TLN2: variants seen among roughly 807,000 people sequenced by gnomAD.
TLN2 encodes the protein talin-2.
In TLN2, 118 loss-of-function variants were observed where a neutral mutation model predicts 294.7. The ratio of observed to expected loss-of-function variants is 0.40; its 90% CI spans 0.34 to 0.47. TLN2 has a LOEUF of 0.47. Ranked by LOEUF, TLN2 falls within the 20% of genes least tolerant of loss-of-function variation. The pLI is 0.84. For missense variants in TLN2, 3,083 were observed against 3,282.2 expected, an observed-to-expected ratio of 0.94 and a Z score of 1.48; for synonymous variants, 1,431 against 1,304.5, an observed-to-expected ratio of 1.10 and a Z score of -2.09.
intron 3 of TLN2, among the ~76,000 whole-genome samples, chr15:62,645,971 G>A (rs1319163306): frequency 2.0e-5 from 3 of 152,264 alleles, no homozygotes; most frequent in Non-Finnish European, 4.4e-5. Flanking sequence ...ACTGGCTTGG[G>A]TTAAGTGAGT....
intron 1 of TLN2, among the ~76,000 whole-genome samples, chr15:62,454,393 G>A (rs2036337741): frequency 6.6e-6 from 1 of 152,142 alleles, no homozygotes; most frequent in Non-Finnish European, 1.5e-5. Flanking sequence ...CAGTGCTTTT[G>A]CTTCCAGACC....
At chr15:62,688,315 G>T (rs1378835522) in intron 12 of TLN2, among the ~76,000 whole-genome samples, 2 of 151,960 alleles carry the variant, frequency 1.3e-5, no homozygotes, top group East Asian at 3.8e-4. Flanking sequence ...AGGTTTTTCT[G>T]CTGTCTTTCT....
chr15:62,495,108 A>G lies in TLN2; in HGVS notation c.-237-94579A>G, dbSNP rs186046097. ...GTTCCTTCACTGCACTTGCAATTGC[A>G]CTGTGCAATGCCTTCTCAGTCTCCT... is the stretch of plus-strand genomic sequence containing the variant. On this transcript the variant is annotated intron_variant, in intron 1 of 58. Transcript: ENST00000636159. Among the ~76,000 whole-genome samples, 380 of 152,306 alleles carry G rather than the reference A, an allele frequency of 2.5e-3. 2 individuals are homozygous for G. Among genetic ancestry groups the G allele is most frequent in the African/African-American group, 8.8e-3 (367 of 41,568 alleles).
intron 1 of TLN2, among the ~76,000 whole-genome samples, chr15:62,406,924 A>G (rs1321982602): frequency 6.6e-6 from 1 of 152,222 alleles, no homozygotes; most frequent in African/African-American, 2.4e-5. Context: ...ATAAGGTCCC[A>G]TTCTGAGGTT....
rs56258541 is a variant in TLN2, at chr15:62,673,310, C to CTTTTTTTTTTTTTTTT, written c.789-514_789-499dup. Among the ~76,000 whole-genome samples the CTTTTTTTTTTTTTTTT allele has an allele frequency of 4.4e-4, 19 of 42,890 alleles. 4 individuals are homozygous for CTTTTTTTTTTTTTTTT. Among genetic ancestry groups the CTTTTTTTTTTTTTTTT allele is most frequent in the African/African-American group, 6.0e-4 (8 of 13,434 alleles). The allele number at this position is 42,890 out of a possible 152,430, so 28.1% of individuals were successfully genotyped here. ...GTTTGCTTTAGATTTTTAGATGTTGCTTTTTTTTTTTTTTTTTTGCAATTT... is the reference window on the plus strand; with the variant it reads ...GTTTGCTTTAGATTTTTAGATGTTGCTTTTTTTTTTTTTTTTTTTTTTTTTTTTTTTTTTGCAATTT... On this transcript the variant is annotated intron_variant, in intron 9 of 58. Coordinates refer to ENST00000636159, the MANE Select transcript of TLN2 (RefSeq NM_015059.3).
intron 1 of TLN2, among the ~76,000 whole-genome samples, chr15:62,495,101 C>G (rs888726809): frequency 3.9e-5 from 6 of 152,198 alleles, no homozygotes; most frequent in Non-Finnish European, 7.4e-5. Flanking sequence ...ACTGCACTTG[C>G]AATTGCACTG....
chr15:62,467,701 T>TG (rs1389534683), intron 1 of TLN2, among the ~76,000 whole-genome samples: 5 of 151,662 alleles, frequency 3.3e-5, no homozygotes, highest in African/African-American at 1.2e-4. Flanking sequence ...AAAATTAGTG[T>TG]GAAAAAAAGC....
At chr15:62,795,995 G>T in intron 46 of TLN2, 132 bp from the exon 47 acceptor site, 1 of 1,177,078 alleles carries the variant, frequency 8.5e-7, no homozygotes, top group Non-Finnish European at 1.2e-6. Flanking sequence ...TGAGGCCGTT[G>T]ACTCCAGATG....
rs540519375 is a variant in TLN2, at chr15:62,520,117, A to G, written c.-237-69570A>G. On this transcript the variant is annotated intron_variant, in intron 1 of 58. Coordinates refer to ENST00000636159, the MANE Select transcript of TLN2 (RefSeq NM_015059.3). ...CAGTATTGGGGAAACCACCACCATG[A>G]TTCAGTTTTCTGCCACCAGGTCCCT... Among the ~76,000 whole-genome samples, 15 of 152,320 alleles carry G rather than the reference A, an allele frequency of 9.8e-5. No individual in the cohort carries two copies. The South Asian group carries it at 3.1e-3, about 32-fold the overall frequency.
chr15:62,543,544 T>C (rs2041819799), intron 1 of TLN2, among the ~76,000 whole-genome samples: 1 of 151,948 alleles, frequency 6.6e-6, no homozygotes, highest in Non-Finnish European at 1.5e-5. Flanking sequence ...GATCACAAGG[T>C]CAAGAGATTG....
At chr15:62,442,669 AT>A (rs1297651391) in intron 1 of TLN2, among the ~76,000 whole-genome samples, 10 of 151,976 alleles carry the variant, frequency 6.6e-5, no homozygotes, top group African/African-American at 4.8e-5. Context: ...GAAAAAAAAA[AT>A]TTGTTTTTTC....
At chr15:62,414,863 TA>T (rs1306453898) in intron 1 of TLN2, among the ~76,000 whole-genome samples, 1 of 141,256 alleles carries the variant, frequency 7.1e-6, no homozygotes, top group African/African-American at 2.5e-5. Flanking sequence ...GAGGAGTAAA[TA>T]AAAGAATTTT....
intron 12 of TLN2, among the ~76,000 whole-genome samples, chr15:62,688,880 T>C (rs75122026): frequency 0.027 from 4,159 of 152,214 alleles, 196 homozygotes; most frequent in African/African-American, 0.095. Context: ...ATTTTCAACT[T>C]GCATATACTG....
intron 1 of TLN2, among the ~76,000 whole-genome samples, chr15:62,492,363 C>G (rs575803324): frequency 6.6e-6 from 1 of 151,934 alleles, no homozygotes; most frequent in Admixed American, 6.5e-5. Flanking sequence ...TCGAGACCAT[C>G]CTGGCTAACA....
chr15:62,658,159 G>T (rs2053426896), intron 9 of TLN2: 2 of 191,306 alleles, frequency 1.0e-5, no homozygotes, highest in African/African-American at 2.5e-5. Context: ...CTTCGTCTTA[G>T]TGAAGAGGAA....
intron 1 of TLN2, among the ~76,000 whole-genome samples, chr15:62,578,566 A>AAAAC (rs891279024): frequency 1.3e-5 from 2 of 152,174 alleles, no homozygotes; most frequent in African/African-American, 2.4e-5. Flanking sequence ...ACTCCGTCTC[A>AAAAC]AAACAAACAA....
At position 62,838,846 on chromosome 15, in the gene TLN2, C is replaced by T. The variant is rs759146060; in HGVS notation, c.7375-10C>T. On this transcript the variant is annotated splice_polypyrimidine_tract_variant and intron_variant, in intron 57 of 58. Coordinates refer to ENST00000636159, the MANE Select transcript of TLN2 (RefSeq NM_015059.3). The stretch of plus-strand genomic sequence containing the variant: ...CTAATGATATAATGTATGTTTTGTT[C>T]ACTCTCCAGGCGGCAGGAAATGCTG... 6.8e-6 allele frequency: 11 copies of T among 1,608,100 alleles called. No individual in the cohort carries two copies. The highest frequency in any genetic ancestry group is 1.7e-5 in the Admixed American group (1 of 59,556).
chr15:62,508,681 AT>A (rs1182199013), intron 1 of TLN2, among the ~76,000 whole-genome samples: 1 of 152,220 alleles, frequency 6.6e-6, no homozygotes. Flanking sequence ...AATTAGGTAA[AT>A]TTTTCATAAC....
intron 1 of TLN2, among the ~76,000 whole-genome samples, chr15:62,547,280 A>G (rs1005928337): frequency 2.0e-5 from 3 of 152,222 alleles, no homozygotes; most frequent in East Asian, 1.9e-4. Context: ...CCTTGTGCAG[A>G]TAAGGGACAT....
Sources: allele counts gnomAD v4.1 joint callset (sites outside exome capture counted in the v4.1 genomes callset), GRCh38; gene constraint gnomAD v4.1.1; transcripts MANE v1.5; gene names NCBI Gene and HGNC (gene_info 2026-07-23, HGNC 2026-07-21).